The following CEP72 variants were observed in gnomAD, a reference collection of about 807,000 sequenced individuals.
CEP72 encodes centrosomal protein 72, also known as centrosomal protein of 72 kDa.
A neutral mutation model predicts 65.7 loss-of-function variants in CEP72; 78 were observed. That is an observed-to-expected ratio of 1.19 (90% CI 0.99 to 1.43). CEP72 has a LOEUF of 1.43. Ranked by LOEUF, CEP72 falls within the 40% of genes most tolerant of loss-of-function variation. The pLI, the probability that CEP72 is intolerant of heterozygous loss-of-function variation, is 0.00. For missense variants in CEP72, 914 were observed against 832.9 expected, an observed-to-expected ratio of 1.10 and a Z score of -1.20; for synonymous variants, 358 against 351.7, an observed-to-expected ratio of 1.02 and a Z score of -0.20.
At chr5:660,327 TGG>T (rs1320088901), downstream of CEP72, 1 of 152,178 alleles carries the variant, frequency 6.6e-6, no homozygotes, top group Non-Finnish European at 1.5e-5. Context: ...CTTTGTGGTT[TGG>T]CTTGGTTTAG....
downstream of CEP72, among the ~76,000 whole-genome samples, chr5:659,247 G>A (rs890277840): frequency 3.9e-5 from 6 of 152,354 alleles, no homozygotes; most frequent in Admixed American, 3.9e-4. Context: ...GCTCACCTGT[G>A]GGGGTTCCCA....
chr5:640,875 G>C, intron 9 of CEP72: 1 of 985,456 alleles, frequency 1.0e-6, no homozygotes, highest in Non-Finnish European at 1.2e-6. Context: ...GCAGTGCCGG[G>C]TGCTGCAGGA....
Position 643,313 on chromosome 5 carries a change from C to T in CEP72, c.1540-986C>T, listed in dbSNP as rs767858130. 4.9e-4 allele frequency: 487 copies of T among 985,438 alleles called. 1 individual carries two copies. The highest frequency in any genetic ancestry group is 9.2e-4 in the Admixed American group (15 of 16,292). The allele number at this position is 985,438 out of a possible 1,614,324, so 61.0% of individuals were successfully genotyped here. A position where few individuals can be genotyped will look rare whatever the true frequency, so the allele number is the denominator to read the frequency against. ...GTGGCACTGCCAGGAGCTTTCTGGACGACCCAAAGCCCCGCGCGGAGGGCA... is the reference window on the plus strand; with the variant it reads ...GTGGCACTGCCAGGAGCTTTCTGGATGACCCAAAGCCCCGCGCGGAGGGCA... On this transcript the variant is annotated intron_variant, in intron 9 of 11. Transcript: ENST00000264935.
At chr5:662,076 T>G (rs1220368325), downstream of CEP72, 2 of 152,350 alleles carry the variant, frequency 1.3e-5, no homozygotes, top group South Asian at 2.1e-4. Flanking sequence ...GCCTAGGGTT[T>G]GGGATGCACG....
At chr5:648,986 G>T (rs1202920911) in intron 11 of CEP72, among the ~76,000 whole-genome samples, 1 of 150,152 alleles carries the variant, frequency 6.7e-6, no homozygotes, top group Non-Finnish European at 1.5e-5. Context: ...GGGACTGTGA[G>T]GTATGTGACC....
chr5:651,129 G>A lies in CEP72; in HGVS notation c.1779-1859G>A, dbSNP rs548688795. 5.6e-4 allele frequency among the ~76,000 whole-genome samples: 34 copies of A among 60,678 alleles called. 1 individual carries two copies. Among genetic ancestry groups the A allele is most frequent in the Non-Finnish European group, 8.6e-4 (29 of 33,668 alleles). 39.8% of individuals were successfully genotyped at this position (60,678 alleles called of 152,430 possible). On this transcript the variant is annotated intron_variant, in intron 11 of 11. Coordinates refer to ENST00000264935, the MANE Select transcript of CEP72 (RefSeq NM_018140.4). The stretch of plus-strand genomic sequence containing the variant: ...CTGTGAGGTGTGACTGTGAGGCGTG[G>A]ACTGTGAGGTGTGACTGAGGCGTGG...
chr5:643,978 G>T (rs1738241886), intron 9 of CEP72, among the ~76,000 whole-genome samples: 1 of 152,218 alleles, frequency 6.6e-6, no homozygotes, highest in South Asian at 2.1e-4. Flanking sequence ...ACCGCCACCA[G>T]CTGCCCTGCC....
At chr5:668,642 C>T (rs1561082493), downstream of CEP72, among the ~76,000 whole-genome samples, 1 of 152,260 alleles carries the variant, frequency 6.6e-6, no homozygotes, top group East Asian at 1.9e-4. Context: ...CTGTGGACAG[C>T]TTCTCATCAC....
chr5:663,983 T>C lies in CEP72; in HGVS notation n.287+411T>C, dbSNP rs188445756. ...AAGGGCGGGCCGCCTGGGTGTGTCC[T>C]GGCAGTGTGGAGTGTCCTGGATGGG... On this transcript the variant is annotated intron_variant and non_coding_transcript_variant, in intron 2 of 4. Coordinates refer to the CEP72 transcript ENST00000514507. 1,480 of 152,774 alleles carry C rather than the reference T, an allele frequency of 9.7e-3. 15 individuals are homozygous for C. Among genetic ancestry groups the C allele is most frequent in the Middle Eastern group, 0.027 (8 of 296 alleles). The allele number at this position is 152,774 out of a possible 1,614,324, so 9.5% of individuals were successfully genotyped here.
downstream of CEP72, among the ~76,000 whole-genome samples, chr5:669,711 C>T (rs1028382754): frequency 5.3e-4 from 80 of 152,054 alleles, no homozygotes; most frequent in African/African-American, 1.7e-3. Flanking sequence ...CAGATCCGGA[C>T]ACCTGCTCTG....
At position 624,131 on chromosome 5, in the gene CEP72, G is replaced by A. The variant is rs550922912; in HGVS notation, c.404-340G>A. Among the ~76,000 whole-genome samples the A allele has an allele frequency of 1.2e-4, 19 of 152,214 alleles. No homozygotes were observed. The highest frequency in any genetic ancestry group is 2.5e-4 in the Non-Finnish European group (17 of 68,034). On this transcript the variant is annotated intron_variant, in intron 3 of 11. Coordinates refer to ENST00000264935, the MANE Select transcript of CEP72 (RefSeq NM_018140.4). The surrounding 1 kb of genome is among the most constrained non-coding windows in gnomAD (Gnocchi z 4.7). ...CTCTCGGGCCGGGCAGGCTCCCTCC[G>A]TGGAGGCTTCTCTGGGTTACCTGAG...
At chr5:649,122 A>C (rs201250991) in intron 11 of CEP72, among the ~76,000 whole-genome samples, 77 of 42,398 alleles carry the variant, frequency 1.8e-3, no homozygotes, top group South Asian at 4.6e-3. Flanking sequence ...TGAGGTGTGA[A>C]TGTGAGGCGT....
chr5:641,004 G>C, intron 9 of CEP72: 1 of 985,440 alleles, frequency 1.0e-6, no homozygotes, highest in Non-Finnish European at 1.2e-6. Flanking sequence ...TGGTGAGCTG[G>C]GGCTACAGGG....
intron 4 of CEP72, among the ~76,000 whole-genome samples, chr5:625,886 G>T (rs967518978): frequency 2.0e-5 from 3 of 152,086 alleles, no homozygotes; most frequent in African/African-American, 4.8e-5. Context: ...CTCTCTACGG[G>T]GCCAGGTTTC....
downstream of CEP72, among the ~76,000 whole-genome samples, chr5:669,929 G>A (rs1314959519): frequency 3.3e-5 from 5 of 152,192 alleles, no homozygotes; most frequent in African/African-American, 7.2e-5. Flanking sequence ...AGACCAGGGT[G>A]CTGGAGGAGC....
chr5:643,474 C>G (rs991646962), intron 9 of CEP72: 1 of 985,230 alleles, frequency 1.0e-6, no homozygotes, highest in Non-Finnish European at 1.2e-6. Context: ...GGGGGCCTGG[C>G]GGGTGCATGC....
At chr5:621,522 C>A (rs529978202) in intron 3 of CEP72, among the ~76,000 whole-genome samples, 1 of 152,368 alleles carries the variant, frequency 6.6e-6, no homozygotes, top group South Asian at 2.1e-4. Flanking sequence ...GGGGTTTTGC[C>A]ACCCACCAGA....
At position 623,111 on chromosome 5, in the gene CEP72, G is replaced by T. The variant is rs186856844; in HGVS notation, c.404-1360G>T. Among the ~76,000 whole-genome samples the T allele has an allele frequency of 3.2e-3, 489 of 150,730 alleles. No homozygotes were observed. Among genetic ancestry groups the T allele is most frequent in the Non-Finnish European group, 5.6e-3 (382 of 67,772 alleles). On this transcript the variant is annotated intron_variant, in intron 3 of 11. Transcript: ENST00000264935. The surrounding 1 kb of genome is among the most constrained non-coding windows in gnomAD (Gnocchi z 5.3). ...AAGGAGCGCGACCGTCTCCCTCTTA[G>T]TGTTTCTGCAGAGAGTTTCTGCAGA...
chr5:671,794 C>T (rs879474787), downstream of CEP72, among the ~76,000 whole-genome samples: 8 of 152,254 alleles, frequency 5.3e-5, no homozygotes, highest in Admixed American at 5.2e-4. Context: ...GAACTGGCCC[C>T]AGGGCTCCAG....
Sources: allele counts gnomAD v4.1 joint callset (sites outside exome capture counted in the v4.1 genomes callset), GRCh38; gene constraint gnomAD v4.1.1; non-coding constraint Gnocchi (gnomAD v3.1); transcripts MANE v1.5; gene names NCBI Gene and HGNC (gene_info 2026-07-23, HGNC 2026-07-21).